The following PCDH15 variants were observed in gnomAD, a reference collection of about 807,000 sequenced individuals.
The protein encoded by PCDH15 is protocadherin related 15.
Under a neutral mutation model 178.5 loss-of-function variants are expected in PCDH15, and 129 were observed. The observed-to-expected ratio is 0.72, with a 90% CI of 0.63 to 0.84. The LOEUF (loss-of-function observed/expected upper bound fraction) is 0.84. PCDH15 is among the 40% of genes least tolerant of loss of function. The pLI, the probability that PCDH15 is intolerant of heterozygous loss-of-function variation, is 0.00. For missense variants in PCDH15, 2,230 were observed against 2,099.9 expected, an observed-to-expected ratio of 1.06 and a Z score of -1.21; for synonymous variants, 800 against 732.0, an observed-to-expected ratio of 1.09 and a Z score of -1.50.
intron 32 of PCDH15, chr10:53,822,656 G>A: frequency 6.2e-7 from 1 of 1,614,104 alleles, no homozygotes. Context: ...CAGGAGAACT[G>A]ATGACATTAG....
intron 3 of PCDH15, among the ~76,000 whole-genome samples, chr10:54,488,700 G>T (rs2079319480): frequency 6.6e-6 from 1 of 152,052 alleles, no homozygotes; most frequent in African/African-American, 2.4e-5. Flanking sequence ...ATCCTAAAGT[G>T]AAGTATCAGT....
chr10:54,328,448 A>C lies in PCDH15; in HGVS notation c.705+1148T>G, dbSNP rs569555357. On this transcript the variant is annotated intron_variant, in intron 7 of 37. Coordinates refer to ENST00000644397, the MANE Select transcript of PCDH15 (RefSeq NM_001384140.1). ...TTGCTAAGAAAAGAAAAATGTTTTCAGGTCATCAGTGTGCCCAGTCTCAGG... is the reference window on the plus strand; with the variant it reads ...TTGCTAAGAAAAGAAAAATGTTTTCCGGTCATCAGTGTGCCCAGTCTCAGG... 6.6e-5 allele frequency among the ~76,000 whole-genome samples: 10 copies of C among 152,120 alleles called. No homozygotes were observed. In the South Asian group the frequency reaches 1.7e-3, roughly 25 times the overall value.
chr10:53,923,908 T>A (rs1199966538), intron 25 of PCDH15, among the ~76,000 whole-genome samples: 1 of 152,116 alleles, frequency 6.6e-6, no homozygotes, highest in Non-Finnish European at 1.5e-5. Flanking sequence ...AGTCTTTCAT[T>A]TTTCTCTCTT....
chr10:54,016,695 A>G (rs1200637476), intron 20 of PCDH15, among the ~76,000 whole-genome samples: 2 of 152,202 alleles, frequency 1.3e-5, no homozygotes, highest in African/African-American at 4.8e-5. Flanking sequence ...ACATAGGGAC[A>G]CAAAGATGGG....
At chr10:55,340,979 C>T (rs1286269141) in intron 2 of PCDH15, among the ~76,000 whole-genome samples, 1 of 151,882 alleles carries the variant, frequency 6.6e-6, no homozygotes, top group Non-Finnish European at 1.5e-5. Flanking sequence ...AATTTGAAAT[C>T]TCATTTTCTT....
intron 2 of PCDH15, among the ~76,000 whole-genome samples, chr10:55,065,108 T>C (rs1301462655): frequency 1.3e-5 from 2 of 152,016 alleles, no homozygotes; most frequent in African/African-American, 4.8e-5. Flanking sequence ...GAGACACAAA[T>C]AAGAATCACA....
intron 21 of PCDH15, among the ~76,000 whole-genome samples, chr10:53,973,916 T>C (rs536563760): frequency 7.0e-4 from 107 of 152,292 alleles, no homozygotes; most frequent in African/African-American, 2.5e-3. Context: ...AATAGGAGCA[T>C]GCTATTACAG....
At chr10:55,560,332 T>C (rs934050954) in intron 2 of PCDH15, among the ~76,000 whole-genome samples, 5 of 152,038 alleles carry the variant, frequency 3.3e-5, no homozygotes, top group African/African-American at 9.6e-5. Flanking sequence ...TTTTCCAACA[T>C]TGTGAATGGA....
intron 3 of PCDH15, among the ~76,000 whole-genome samples, chr10:54,454,773 C>T (rs934083708): frequency 1.1e-4 from 16 of 152,104 alleles, no homozygotes; most frequent in Non-Finnish European, 1.9e-4. Flanking sequence ...GTCTTTTGAC[C>T]TTTTCAAGCA....
intron 15 of PCDH15, among the ~76,000 whole-genome samples, chr10:54,099,775 C>T (rs556192743): frequency 1.3e-5 from 2 of 151,954 alleles, no homozygotes; most frequent in South Asian, 4.1e-4. Context: ...TAGCCCCTAC[C>T]TTGAGAAAAT....
chr10:54,560,891 G>A (rs1022608783), intron 2 of PCDH15, among the ~76,000 whole-genome samples: 5 of 151,936 alleles, frequency 3.3e-5, no homozygotes, highest in African/African-American at 4.8e-5. Flanking sequence ...CCATTGGATG[G>A]GTTGTGTTTG....
At chr10:53,986,253 A>G (rs2091094476) in intron 21 of PCDH15, among the ~76,000 whole-genome samples, 1 of 152,240 alleles carries the variant, frequency 6.6e-6, no homozygotes, top group African/African-American at 2.4e-5. Context: ...TAATGGAAAT[A>G]AAGTCAAAAC....
chr10:54,168,466 C>A (rs1415549430), intron 13 of PCDH15, among the ~76,000 whole-genome samples: 1 of 152,120 alleles, frequency 6.6e-6, no homozygotes, highest in African/African-American at 2.4e-5. Flanking sequence ...GGTCCCAATT[C>A]TTCCTCAGCC....
At chr10:53,935,437 T>C (rs561986582) in intron 25 of PCDH15, among the ~76,000 whole-genome samples, 1 of 152,022 alleles carries the variant, frequency 6.6e-6, no homozygotes, top group Non-Finnish European at 1.5e-5. Context: ...AGGAAACATA[T>C]GAGCAGTGCA....
intron 18 of PCDH15, among the ~76,000 whole-genome samples, chr10:54,028,190 C>T (rs1374313744): frequency 6.7e-6 from 1 of 148,906 alleles, no homozygotes; most frequent in African/African-American, 2.5e-5. Context: ...TGAAAAAATG[C>T]TCATCATCAC....
intron 3 of PCDH15, among the ~76,000 whole-genome samples, chr10:54,494,726 C>G (rs11004338): frequency 0.018 from 2,673 of 152,090 alleles, 78 homozygotes; most frequent in African/African-American, 0.061. Flanking sequence ...TTTAATAGTC[C>G]CTTTCTTCAC....
chr10:55,063,201 G>T (rs1564761292), intron 2 of PCDH15, among the ~76,000 whole-genome samples: 2 of 152,008 alleles, frequency 1.3e-5, no homozygotes. Flanking sequence ...TACATAAGTA[G>T]ACTCTCCTAA....
intron 5 of PCDH15, among the ~76,000 whole-genome samples, chr10:54,368,854 A>G (rs758336333): frequency 2.0e-5 from 3 of 152,024 alleles, no homozygotes; most frequent in Admixed American, 6.6e-5. Flanking sequence ...AAGCATGTAG[A>G]TGGATCTAGG....
chr10:54,199,916 C>T (rs917516587), intron 10 of PCDH15, among the ~76,000 whole-genome samples: 3 of 152,008 alleles, frequency 2.0e-5, no homozygotes, highest in Non-Finnish European at 2.9e-5. Context: ...CAAAGTAAAA[C>T]TGAAGCCAAA....
Sources: allele counts gnomAD v4.1 joint callset (sites outside exome capture counted in the v4.1 genomes callset), GRCh38; gene constraint gnomAD v4.1.1; transcripts MANE v1.5; gene names NCBI Gene and HGNC (gene_info 2026-07-23, HGNC 2026-07-21).